SPIDR: variants seen among roughly 807,000 people sequenced by gnomAD.
The protein encoded by SPIDR is scaffold protein involved in DNA repair.
In SPIDR, 93 loss-of-function variants were observed where a neutral mutation model predicts 104.6. The ratio of observed to expected loss-of-function variants is 0.89; its 90% confidence interval spans 0.75 to 1.06. The LOEUF is 1.06. Among genes scored for constraint, SPIDR ranks in the 50% least tolerant of loss-of-function variants. The probability of loss-of-function intolerance (pLI) is 0.00; values close to 1 mark genes in which losing one functional copy is unlikely to be tolerated. For synonymous variants in SPIDR, 431 were observed against 416.9 expected, an observed-to-expected ratio of 1.03 and a Z score of -0.41; for missense variants, 1,154 against 1,111.2, an observed-to-expected ratio of 1.04 and a Z score of -0.55.
chr8:47,384,950 G>A (rs1563805244), intron 5 of SPIDR, among the ~76,000 whole-genome samples: 1 of 152,122 alleles, frequency 6.6e-6, no homozygotes. Flanking sequence ...CTTCTTGCCA[G>A]TCTCTCTCTT....
At chr8:47,424,394 G>A (rs1299918502) in intron 7 of SPIDR, among the ~76,000 whole-genome samples, 6 of 152,000 alleles carry the variant, frequency 3.9e-5, no homozygotes, top group Admixed American at 2.0e-4. Context: ...AGCCTTAACC[G>A]CCTGGGCTCA....
At chr8:47,396,682 C>A in intron 6 of SPIDR, 56 bp downstream of exon 6, 1 of 1,476,182 alleles carries the variant, frequency 6.8e-7, no homozygotes. Context: ...CTTTAAAAAC[C>A]CAAATATCTA....
Position 47,443,754 on chromosome 8 carries a change from T to C in SPIDR, c.1097+3212T>C, listed in dbSNP as rs573709427. Among the ~76,000 whole-genome samples, 18 of 152,106 alleles carry C rather than the reference T, an allele frequency of 1.2e-4. No homozygotes were observed. In the East Asian group the frequency reaches 3.1e-3, roughly 26 times the overall value. Reference sequence around the variant, plus strand: ...TGTGTTCATTTAAACTGTTTTTTTTTTTTAACATGGGCACAGTTTTTTAAA... The same window carrying C: ...TGTGTTCATTTAAACTGTTTTTTTTCTTTAACATGGGCACAGTTTTTTAAA... On this transcript the variant is annotated intron_variant, in intron 8 of 19. Transcript: ENST00000297423.
At chr8:47,497,749 G>A (rs1185569406) in intron 8 of SPIDR, among the ~76,000 whole-genome samples, 3 of 152,114 alleles carry the variant, frequency 2.0e-5, no homozygotes, top group Non-Finnish European at 4.4e-5. Flanking sequence ...AAGGGTAAAG[G>A]GTTTAGTTTA....
chr8:47,269,568 T>TAAAA (rs76483348), intron 1 of SPIDR, among the ~76,000 whole-genome samples: 4 of 132,064 alleles, frequency 3.0e-5, no homozygotes, highest in South Asian at 4.9e-4. Context: ...CCATGTCTCT[T>TAAAA]AAAAAAAAAA....
chr8:47,627,930 G>T (rs145019818), intron 10 of SPIDR, among the ~76,000 whole-genome samples: 1 of 152,286 alleles, frequency 6.6e-6, no homozygotes, highest in Non-Finnish European at 1.5e-5. Context: ...GGGCTGCCTG[G>T]TAGTGCACAG....
chr8:47,557,472 A>G (rs1312068266), intron 8 of SPIDR, among the ~76,000 whole-genome samples: 1 of 152,116 alleles, frequency 6.6e-6, no homozygotes, highest in Non-Finnish European at 1.5e-5. Flanking sequence ...TAATCTGTGT[A>G]CCTTTTTGGT....
At position 47,453,326 on chromosome 8, in the gene SPIDR, G is replaced by A. The variant is rs143098562; in HGVS notation, c.1097+12784G>A. 1.4e-4 allele frequency among the ~76,000 whole-genome samples: 21 copies of A among 152,194 alleles called. No homozygotes were observed. In the East Asian group the frequency reaches 3.9e-3, roughly 28 times the overall value. ...TTATGGATTTAATGCCACCCTCATC[G>A]AGCTATGAATGACTTTCTTCACAGA... On this transcript the variant is annotated intron_variant, in intron 8 of 19. Transcript: ENST00000297423.
At chr8:47,524,865 C>A (rs751028455) in intron 8 of SPIDR, among the ~76,000 whole-genome samples, 5 of 152,038 alleles carry the variant, frequency 3.3e-5, no homozygotes, top group Admixed American at 3.3e-4. Flanking sequence ...GGGTGCTGGT[C>A]TTGGGAATTA....
At chr8:47,375,621 T>C (rs2058576174) in intron 5 of SPIDR, among the ~76,000 whole-genome samples, 1 of 152,150 alleles carries the variant, frequency 6.6e-6, no homozygotes. Flanking sequence ...TGTTCCATGT[T>C]CTCAAGCTAC....
At chr8:47,345,077 A>T (rs1176205470) in intron 5 of SPIDR, among the ~76,000 whole-genome samples, 7 of 152,184 alleles carry the variant, frequency 4.6e-5, no homozygotes, top group Admixed American at 2.0e-4. Context: ...GTTTTCTTCT[A>T]GGGTTTTTAT....
At chr8:47,592,547 G>A in intron 8 of SPIDR, 1 of 1,336,630 alleles carries the variant, frequency 7.5e-7, no homozygotes, top group Non-Finnish European at 1.1e-6. Flanking sequence ...TTTGATGCCA[G>A]GAACTGGTTC....
chr8:47,484,717 A>T (rs1441932449), intron 8 of SPIDR, among the ~76,000 whole-genome samples: 2 of 152,210 alleles, frequency 1.3e-5, no homozygotes, highest in Admixed American at 6.5e-5. Flanking sequence ...GTTATAAAAG[A>T]CATCATTGGG....
intron 8 of SPIDR, among the ~76,000 whole-genome samples, chr8:47,441,065 T>A (rs1745420097): frequency 6.6e-6 from 1 of 152,186 alleles, no homozygotes; most frequent in African/African-American, 2.4e-5. Flanking sequence ...TAGAAGAAAA[T>A]CATACTACTT....
intron 11 of SPIDR, among the ~76,000 whole-genome samples, chr8:47,683,353 C>A (rs535398687): frequency 2.0e-5 from 3 of 152,190 alleles, no homozygotes; most frequent in African/African-American, 7.2e-5. Context: ...CTCCAGAGAG[C>A]AGCAGGTTAA....
intron 8 of SPIDR, among the ~76,000 whole-genome samples, chr8:47,567,841 A>G (rs1242191064): frequency 1.5e-5 from 2 of 130,206 alleles, no homozygotes; most frequent in Non-Finnish European, 1.5e-5. Context: ...GCTGAAGTGC[A>G]GAGGCATAAT....
chr8:47,346,337 A>T (rs944362563), intron 5 of SPIDR, among the ~76,000 whole-genome samples: 5 of 152,186 alleles, frequency 3.3e-5, no homozygotes, highest in African/African-American at 1.2e-4. Flanking sequence ...CGTGGTGGAT[A>T]CGTTTTTTCA....
chr8:47,526,912 A>G (rs924250828), intron 8 of SPIDR, among the ~76,000 whole-genome samples: 1 of 152,224 alleles, frequency 6.6e-6, no homozygotes, highest in African/African-American at 2.4e-5. Flanking sequence ...AGAGAATCAC[A>G]GCTTCCCAGA....
intron 9 of SPIDR, among the ~76,000 whole-genome samples, chr8:47,596,233 T>G (rs555385416): frequency 6.6e-6 from 1 of 152,352 alleles, no homozygotes; most frequent in East Asian, 1.9e-4. Flanking sequence ...TTATGTGTCT[T>G]TAATCTTTAT....
Sources: allele counts gnomAD v4.1 joint callset (sites outside exome capture counted in the v4.1 genomes callset), GRCh38; gene constraint gnomAD v4.1.1; transcripts MANE v1.5; gene names NCBI Gene and HGNC (gene_info 2026-07-23, HGNC 2026-07-21).